The following CBFB variants were observed in gnomAD, a reference collection of about 807,000 sequenced individuals.
The protein encoded by CBFB is core-binding factor subunit beta.
In CBFB, 9 loss-of-function variants were observed where a neutral mutation model predicts 30.4. The observed-to-expected ratio is 0.30, with a 90% CI of 0.18 to 0.52. CBFB has a LOEUF of 0.52. Among genes scored for constraint, CBFB ranks in the 20% least tolerant of loss-of-function variants. The pLI, the probability that CBFB is intolerant of heterozygous loss-of-function variation, is 0.97. For missense variants in CBFB, 170 were observed against 244.0 expected, an observed-to-expected ratio of 0.70 and a Z score of 2.02; for synonymous variants, 94 against 84.0, an observed-to-expected ratio of 1.12 and a Z score of -0.65.
chr16:67,069,943 C>T (rs1031538638), intron 4 of CBFB, among the ~76,000 whole-genome samples: 3 of 152,026 alleles, frequency 2.0e-5, no homozygotes, highest in African/African-American at 4.8e-5. Flanking sequence ...GAGCTGTGAT[C>T]GCACCACTGC....
chr16:67,084,340 C>A (rs1191417882), intron 5 of CBFB, among the ~76,000 whole-genome samples: 1 of 152,036 alleles, frequency 6.6e-6, no homozygotes, highest in African/African-American at 2.4e-5. Flanking sequence ...ACACATTCAT[C>A]TTTGATAATC....
At chr16:67,078,050 T>C (rs12926574) in intron 4 of CBFB, among the ~76,000 whole-genome samples, 39,592 of 152,160 alleles carry the variant, frequency 0.26, 6,338 homozygotes, top group Middle Eastern at 0.39. Context: ...GAGTTGGTTG[T>C]TCCTAGCCAT....
chr16:67,068,752 G>A (rs1961131810), intron 4 of CBFB, among the ~76,000 whole-genome samples: 1 of 152,188 alleles, frequency 6.6e-6, no homozygotes, highest in Non-Finnish European at 1.5e-5. Context: ...GGGGGCCCAA[G>A]TGTTGGTTCT....
At chr16:67,084,634 TATG>T (rs1488854300) in intron 5 of CBFB, among the ~76,000 whole-genome samples, 2 of 152,256 alleles carry the variant, frequency 1.3e-5, no homozygotes, top group Non-Finnish European at 2.9e-5. Context: ...TGGTAAGTTT[TATG>T]ATATGTGTAT....
chr16:67,064,513 A>G (rs1183948987), intron 3 of CBFB, among the ~76,000 whole-genome samples: 1 of 152,104 alleles, frequency 6.6e-6, no homozygotes, highest in Non-Finnish European at 1.5e-5. Context: ...CCCTAAAATT[A>G]TGTTTTTAAA....
intron 5 of CBFB, 143 bp downstream of exon 5, chr16:67,082,451 T>C: frequency 1.0e-6 from 1 of 976,224 alleles, no homozygotes; most frequent in South Asian, 3.0e-5. Flanking sequence ...TCTGGCTTTG[T>C]GTTTATTAAA....
chr16:67,029,637 G>A, intron 1 of CBFB, 90 bp from the exon 2 acceptor site: 3 of 1,378,304 alleles, frequency 2.2e-6, no homozygotes, highest in East Asian at 2.6e-5. Context: ...CGCAGCCTCT[G>A]CTTGCCCTTA....
intron 5 of CBFB, among the ~76,000 whole-genome samples, chr16:67,086,661 A>G (rs1961740567): frequency 6.6e-6 from 1 of 152,242 alleles, no homozygotes; most frequent in African/African-American, 2.4e-5. Context: ...GTCTCTGGAA[A>G]GATTCTAAAT....
chr16:67,072,646 A>T (rs148980718), intron 4 of CBFB, among the ~76,000 whole-genome samples: 2 of 150,832 alleles, frequency 1.3e-5, no homozygotes, highest in African/African-American at 4.9e-5. Context: ...TTGTATTTTT[A>T]GTAGAGACGG....
At chr16:67,083,857 T>TA (rs1245267450) in intron 5 of CBFB, among the ~76,000 whole-genome samples, 1 of 152,090 alleles carries the variant, frequency 6.6e-6, no homozygotes, top group Non-Finnish European at 1.5e-5. Flanking sequence ...TGTTCAGAAA[T>TA]ACAGATTTTC....
intron 5 of CBFB, chr16:67,093,681 T>C (rs1208556968): frequency 6.6e-6 from 1 of 152,194 alleles, no homozygotes; most frequent in Non-Finnish European, 1.5e-5. Context: ...AGAACAGATT[T>C]GTGCTCTGAA....
chr16:67,047,636 C>T (rs1414359345), intron 3 of CBFB, among the ~76,000 whole-genome samples: 1 of 152,100 alleles, frequency 6.6e-6, no homozygotes, highest in East Asian at 1.9e-4. Context: ...ATCGTGTGGC[C>T]CTGTTTGCAG....
At chr16:67,050,404 T>G (rs1966718961) in intron 3 of CBFB, among the ~76,000 whole-genome samples, 1 of 151,700 alleles carries the variant, frequency 6.6e-6, no homozygotes, top group South Asian at 2.1e-4. Context: ...CCTATATATG[T>G]GCTGTTTTTT....
intron 4 of CBFB, among the ~76,000 whole-genome samples, chr16:67,073,693 G>C (rs750958028): frequency 6.6e-6 from 1 of 152,186 alleles, no homozygotes. Flanking sequence ...GGTGAGCCGA[G>C]ATCGTGCCAT....
chr16:67,076,230 A>G (rs1420830294), intron 4 of CBFB, among the ~76,000 whole-genome samples: 1 of 151,972 alleles, frequency 6.6e-6, no homozygotes, highest in Non-Finnish European at 1.5e-5. Context: ...CTTCATCTCA[A>G]AAAAATTTAA....
At position 67,029,396 on chromosome 16, in the gene CBFB, C is replaced by G. The variant is rs2145702002; in HGVS notation, c.-12C>G. ...CGAGCGCGGCCGGCCGGCGCGGCCT[C>G]AGGGCGGGAAGATGCCGCGCGTCGT... On this transcript the variant is annotated 5_prime_UTR_variant, in exon 1 of 6. Transcript: ENST00000412916. 6.5e-7 allele frequency: 1 copy of G among 1,528,970 alleles called. No homozygotes were observed. The highest frequency in any genetic ancestry group is 8.8e-7 in the Non-Finnish European group (1 of 1,141,174). The allele number at this position is 1,528,970 out of a possible 1,614,324, so 94.7% of individuals were successfully genotyped here.
At chr16:67,058,937 T>C (rs974252804) in intron 3 of CBFB, among the ~76,000 whole-genome samples, 1 of 152,242 alleles carries the variant, frequency 6.6e-6, no homozygotes, top group African/African-American at 2.4e-5. Flanking sequence ...TCTGTGTGTA[T>C]TGATTTTATG....
intron 3 of CBFB, among the ~76,000 whole-genome samples, chr16:67,050,510 C>T (rs184872202): frequency 8.6e-5 from 13 of 151,958 alleles, no homozygotes. Flanking sequence ...TAAAGTAGAA[C>T]GTGGCCGGGC....
intron 3 of CBFB, among the ~76,000 whole-genome samples, chr16:67,064,803 C>T (rs1045649343): frequency 1.3e-5 from 2 of 152,010 alleles, no homozygotes; most frequent in Non-Finnish European, 2.9e-5. Flanking sequence ...AAGAATGGTG[C>T]AGAAATGGGT....
Sources: gnomAD v4.1 joint callset for allele counts (sites outside exome capture counted in the v4.1 genomes callset) on GRCh38, gnomAD v4.1.1 for gene constraint, MANE v1.5 for transcripts, NCBI Gene and HGNC (gene_info 2026-07-23, HGNC 2026-07-21) for gene names.